The following DPP10 variants were observed in gnomAD, a reference collection of about 807,000 sequenced individuals.
DPP10 encodes the protein dipeptidyl peptidase like 10, also known as inactive dipeptidyl peptidase 10.
Under a neutral mutation model 120.9 loss-of-function variants are expected in DPP10, and 33 were observed. The observed-to-expected ratio is 0.27, with a 90% CI of 0.21 to 0.37. The LOEUF (loss-of-function observed/expected upper bound fraction) is 0.37, where lower values mean the gene tolerates loss of function less well. Ranked by LOEUF, DPP10 falls within the 10% of genes least tolerant of loss-of-function variation. The pLI, the probability that DPP10 is intolerant of heterozygous loss-of-function variation, is 1.00. For synonymous variants in DPP10, 337 were observed against 326.1 expected (o/e 1.03, Z -0.36); for missense variants, 816 against 942.8 (o/e 0.87, Z 1.76).
intron 2 of DPP10, among the ~76,000 whole-genome samples, chr2:115,332,219 T>A (rs188813377): frequency 0.02 from 3,101 of 152,286 alleles, 101 homozygotes; most frequent in African/African-American, 0.072. Context: ...CATAGAGGTG[T>A]TTATAGTATT....
chr2:114,651,047 G>A (rs1696545573), intron 1 of DPP10, among the ~76,000 whole-genome samples: 1 of 152,120 alleles, frequency 6.6e-6, no homozygotes, highest in African/African-American at 2.4e-5. Flanking sequence ...CCTATGTATT[G>A]TTTTGGTCTA....
At chr2:114,665,420 C>A (rs981031170) in intron 1 of DPP10, among the ~76,000 whole-genome samples, 8 of 151,720 alleles carry the variant, frequency 5.3e-5, no homozygotes, top group African/African-American at 1.9e-4. Context: ...CATTTTTTTT[C>A]TTGTAATGCC....
chr2:115,768,739 A>G (rs1428369480), intron 13 of DPP10, among the ~76,000 whole-genome samples: 10 of 152,126 alleles, frequency 6.6e-5, no homozygotes, highest in African/African-American at 2.2e-4. Context: ...GAACATATAT[A>G]TAACCTATTT....
chr2:114,889,201 G>A (rs114830129), intron 1 of DPP10, among the ~76,000 whole-genome samples: 3 of 152,266 alleles, frequency 2.0e-5, no homozygotes, highest in Non-Finnish European at 4.4e-5. Context: ...ATAAATTTCT[G>A]TTGTTCAAGA....
At chr2:114,648,309 C>T (rs1696293793) in intron 1 of DPP10, among the ~76,000 whole-genome samples, 1 of 152,194 alleles carries the variant, frequency 6.6e-6, no homozygotes, top group African/African-American at 2.4e-5. Flanking sequence ...ATGAAACTAG[C>T]AGGTTAACTT....
intron 1 of DPP10, among the ~76,000 whole-genome samples, chr2:115,210,507 G>A (rs1052185642): frequency 6.6e-6 from 1 of 152,174 alleles, no homozygotes; most frequent in Non-Finnish European, 1.5e-5. Context: ...ATAGCAGCAT[G>A]ATTTATAATC....
At chr2:114,856,294 T>C (rs1369967177) in intron 1 of DPP10, among the ~76,000 whole-genome samples, 3 of 152,118 alleles carry the variant, frequency 2.0e-5, no homozygotes, top group Non-Finnish European at 2.9e-5. Flanking sequence ...GGAATTCTCA[T>C]AAGATATAAG....
At chr2:115,641,375 G>T (rs1312657818) in intron 5 of DPP10, among the ~76,000 whole-genome samples, 1 of 152,128 alleles carries the variant, frequency 6.6e-6, no homozygotes, top group Admixed American at 6.6e-5. Context: ...GTCTTCCTTG[G>T]TTATCTGCAT....
At chr2:115,727,516 C>T (rs2092794661) in intron 7 of DPP10, among the ~76,000 whole-genome samples, 1 of 152,038 alleles carries the variant, frequency 6.6e-6, no homozygotes, top group African/African-American at 2.4e-5. Flanking sequence ...AAAGCCAAAA[C>T]AATTTTGTGG....
At chr2:115,504,200 C>A (rs2076828383) in intron 4 of DPP10, among the ~76,000 whole-genome samples, 1 of 149,942 alleles carries the variant, frequency 6.7e-6, no homozygotes, top group African/African-American at 2.4e-5. Context: ...AGTTTTCTTA[C>A]AATTTTTGGA....
chr2:115,429,593 C>T (rs2070786054), intron 3 of DPP10, among the ~76,000 whole-genome samples: 1 of 152,256 alleles, frequency 6.6e-6, no homozygotes, highest in South Asian at 2.1e-4. Flanking sequence ...GTCCTCAGGA[C>T]TTTAAAAATC....
At chr2:115,284,830 C>G (rs1339415921) in intron 1 of DPP10, among the ~76,000 whole-genome samples, 1 of 151,906 alleles carries the variant, frequency 6.6e-6, no homozygotes, top group African/African-American at 2.4e-5. Flanking sequence ...TCTACTTTAT[C>G]CTCTGGATTA....
chr2:114,703,895 C>T (rs138802560), intron 1 of DPP10, among the ~76,000 whole-genome samples: 1 of 152,156 alleles, frequency 6.6e-6, no homozygotes, highest in Non-Finnish European at 1.5e-5. Flanking sequence ...TACAGGGTGA[C>T]TTGGGACCAG....
chr2:114,955,744 C>G (rs1449595856), intron 1 of DPP10, among the ~76,000 whole-genome samples: 1 of 152,086 alleles, frequency 6.6e-6, no homozygotes, highest in Non-Finnish European at 1.5e-5. Flanking sequence ...CAATTATTCA[C>G]CATGATCAAG....
chr2:115,332,087 TG>T (rs2062782547), intron 2 of DPP10, among the ~76,000 whole-genome samples: 1 of 152,178 alleles, frequency 6.6e-6, no homozygotes, highest in African/African-American at 2.4e-5. Context: ...TATTGATTAT[TG>T]CCTCAATTTC....
chr2:115,274,067 A>G (rs555164145), intron 1 of DPP10, among the ~76,000 whole-genome samples: 89 of 152,006 alleles, frequency 5.9e-4, no homozygotes, highest in African/African-American at 1.6e-3. Flanking sequence ...CCCTCTGTAG[A>G]GCGCATCATG....
chr2:115,805,032 G>T (rs1216878145), intron 19 of DPP10, among the ~76,000 whole-genome samples: 2 of 152,202 alleles, frequency 1.3e-5, no homozygotes, highest in African/African-American at 4.8e-5. Flanking sequence ...CCCAGAGGTG[G>T]AGCCTACAGA....
Position 115,407,715 on chromosome 2 carries a change from T to C in DPP10, c.271+63803T>C, listed in dbSNP as rs2068628590. On this transcript the variant is annotated intron_variant, in intron 3 of 25. Transcript: ENST00000410059. ...TTACCTTTTTGCCAGCGTGTTAGGC[T>C]TCTGGGTCCCCTTCCCCTGAGCCCA... Among the ~76,000 whole-genome samples, 3 of 152,132 alleles carry C rather than the reference T, an allele frequency of 2.0e-5. No individual in the cohort carries two copies. The South Asian group carries it at 6.2e-4, about 31-fold the overall frequency.
intron 5 of DPP10, among the ~76,000 whole-genome samples, chr2:115,642,858 G>T (rs867934025): frequency 9.9e-5 from 15 of 152,012 alleles, no homozygotes; most frequent in South Asian, 8.3e-4. Context: ...TAGATATATA[G>T]AGAGAGATTT....
Sources: gnomAD v4.1 joint callset for allele counts (sites outside exome capture counted in the v4.1 genomes callset) on GRCh38, gnomAD v4.1.1 for gene constraint, MANE v1.5 for transcripts, NCBI Gene and HGNC (gene_info 2026-07-23, HGNC 2026-07-21) for gene names.